The following PDE3B variants were observed in gnomAD, a reference collection of about 807,000 sequenced individuals.
PDE3B encodes cGMP-inhibited 3',5'-cyclic phosphodiesterase 3B.
A neutral mutation model predicts 116.8 loss-of-function variants in PDE3B; 66 were observed. The ratio of observed to expected loss-of-function variants is 0.56; its 90% CI spans 0.46 to 0.69. The LOEUF (loss-of-function observed/expected upper bound fraction) is 0.69, where lower values mean the gene tolerates loss of function less well. Ranked by LOEUF, PDE3B falls within the 30% of genes least tolerant of loss-of-function variation. PDE3B has a pLI of 0.00. For synonymous variants in PDE3B, 595 were observed against 533.6 expected, an observed-to-expected ratio of 1.12 and a Z score of -1.59; for missense variants, 1,384 against 1,368.1, an observed-to-expected ratio of 1.01 and a Z score of -0.18.
chr11:14,830,597 A>G (rs1286374342), intron 7 of PDE3B, 101 bp from the exon 8 acceptor site: 2 of 491,350 alleles, frequency 4.1e-6, no homozygotes, highest in Non-Finnish European at 6.9e-6. Context: ...CTCCATTATG[A>G]TTCATTTTAT....
At position 14,778,744 on chromosome 11, in the gene PDE3B, A is replaced by G. The variant is rs560147660; in HGVS notation, c.1029+6757A>G. Among the ~76,000 whole-genome samples the G allele has an allele frequency of 1.2e-4, 18 of 152,320 alleles. No individual in the cohort carries two copies. The South Asian group carries it at 3.7e-3, about 32-fold the overall frequency. On this transcript the variant is annotated intron_variant, in intron 2 of 15. Transcript: ENST00000282096. ...CAGAGCAGAAAAGCTGAAAATTCTA[A>G]AAATCAGAGTGCCCCTTCTCCTCCA... is the stretch of plus-strand genomic sequence containing the variant.
At chr11:14,661,090 C>T (rs1247864077) in intron 1 of PDE3B, among the ~76,000 whole-genome samples, 1 of 152,170 alleles carries the variant, frequency 6.6e-6, no homozygotes, top group African/African-American at 2.4e-5. Flanking sequence ...AGTAGTTCAA[C>T]CATTGTAGAA....
rs1858844072 is a variant in PDE3B at position 14,803,942 on chromosome 11, A to G, written c.1416-2A>G. 6.5e-7 allele frequency: 1 copy of G among 1,547,886 alleles called. No individual in the cohort carries two copies. Among genetic ancestry groups the G allele is most frequent in the Non-Finnish European group, 8.9e-7 (1 of 1,121,252 alleles). ...TTTTAACCTGTTATTTTTCCCTTTT[A>G]GTCAAGGATGCTATCTAAATGGGCC... On this transcript the variant is annotated splice_acceptor_variant, in intron 4 of 15. Transcript: ENST00000282096. LOFTEE classifies it high-confidence loss of function.
chr11:14,667,164 C>T (rs1316584694), intron 1 of PDE3B, among the ~76,000 whole-genome samples: 1 of 151,562 alleles, frequency 6.6e-6, no homozygotes, highest in Non-Finnish European at 1.5e-5. Flanking sequence ...AATCATCATT[C>T]CCAGTAAACT....
chr11:14,666,156 A>G (rs1217194268), intron 1 of PDE3B, among the ~76,000 whole-genome samples: 8 of 149,206 alleles, frequency 5.4e-5, no homozygotes, highest in South Asian at 4.3e-4. Context: ...GATCTTTGAC[A>G]AACCTGAGAA....
At position 14,739,772 on chromosome 11, in the gene PDE3B, G is replaced by A. The variant is rs569753780; in HGVS notation, c.979-32165G>A. ...AATAGCTCTTATTATTTTGAGATAC[G>A]TTCCATCGACACCTAGCTCATTGAG... is the stretch of plus-strand genomic sequence containing the variant. On this transcript the variant is annotated intron_variant, in intron 1 of 15. Transcript: ENST00000282096. 3.9e-5 allele frequency among the ~76,000 whole-genome samples: 6 copies of A among 152,252 alleles called. No homozygotes were observed. The East Asian group carries it at 5.8e-4, about 15-fold the overall frequency.
rs184053935 is a variant in PDE3B at position 14,661,388 on chromosome 11, C to T, written c.978+16335C>T. Among the ~76,000 whole-genome samples, 299 of 152,330 alleles carry T rather than the reference C, an allele frequency of 2.0e-3. 1 individual carries two copies. Among genetic ancestry groups the T allele is most frequent in the African/African-American group, 6.4e-3 (268 of 41,570 alleles). ...CTTCCAGCGTGAGCGACGCAAAAGA[C>T]GGTTGATTTCTGCATTTCCATCTGA... is the stretch of plus-strand genomic sequence containing the variant. On this transcript the variant is annotated intron_variant, in intron 1 of 15. Transcript: ENST00000282096.
At chr11:14,756,731 A>C (rs1333307510) in intron 1 of PDE3B, among the ~76,000 whole-genome samples, 1 of 152,114 alleles carries the variant, frequency 6.6e-6, no homozygotes, top group Non-Finnish European at 1.5e-5. Flanking sequence ...AACATATTCT[A>C]AGTGCATGAG....
intron 12 of PDE3B, among the ~76,000 whole-genome samples, chr11:14,848,529 G>A (rs1170080175): frequency 2.0e-5 from 3 of 151,968 alleles, no homozygotes; most frequent in African/African-American, 4.8e-5. Flanking sequence ...CATTCAATTA[G>A]GAAAAGAGGA....
intron 1 of PDE3B, among the ~76,000 whole-genome samples, chr11:14,717,377 C>T (rs1174062111): frequency 9.2e-6 from 1 of 108,214 alleles, no homozygotes; most frequent in Non-Finnish European, 1.8e-5. Flanking sequence ...CTTCCCCAAT[C>T]TAGCAAGGCA....
chr11:14,810,307 T>C, intron 5 of PDE3B, among the ~76,000 whole-genome samples: 1 of 112,550 alleles, frequency 8.9e-6, no homozygotes, highest in African/African-American at 3.4e-5. Flanking sequence ...CCCAATGCTA[T>C]CCCTCCCCCC....
chr11:14,748,866 G>T (rs764958759), intron 1 of PDE3B, among the ~76,000 whole-genome samples: 4 of 151,266 alleles, frequency 2.6e-5, no homozygotes, highest in Non-Finnish European at 5.9e-5. Context: ...TTAAGGAGTG[G>T]TCTATAGCCT....
intron 14 of PDE3B, among the ~76,000 whole-genome samples, chr11:14,866,188 T>C (rs1299155142): frequency 6.6e-6 from 1 of 152,218 alleles, no homozygotes; most frequent in Non-Finnish European, 1.5e-5. Context: ...TTAACTATTA[T>C]AATTTCATAT....
intron 11 of PDE3B, among the ~76,000 whole-genome samples, chr11:14,835,430 GTTTTTTTAAAAAAAA>G (rs1860023594): frequency 1.3e-5 from 2 of 148,484 alleles, no homozygotes; most frequent in Admixed American, 6.7e-5. Context: ...TTAGTCCTTT[GTTTTTTTAAAAAAAA>G]TTTTTTTTTT....
chr11:14,828,810 G>A (rs909125310), intron 7 of PDE3B, among the ~76,000 whole-genome samples: 2 of 152,148 alleles, frequency 1.3e-5, no homozygotes, highest in African/African-American at 2.4e-5. Context: ...CCATTACTGG[G>A]TATATATCCA....
rs894867202 is a variant in PDE3B, at chr11:14,846,835, T to G, written c.2520+2809T>G. 1.9e-3 allele frequency among the ~76,000 whole-genome samples: 295 copies of G among 152,260 alleles called. 1 individual carries two copies. Among genetic ancestry groups the G allele is most frequent in the African/African-American group, 6.5e-3 (269 of 41,536 alleles). Reference sequence around the variant, plus strand: ...CCCAATACAGGAGCACCCAGATTCATAAAGCAAGTCCTGAGTAACCTACAA... The same window carrying G: ...CCCAATACAGGAGCACCCAGATTCAGAAAGCAAGTCCTGAGTAACCTACAA... On this transcript the variant is annotated intron_variant, in intron 12 of 15. Transcript: ENST00000282096.
At chr11:14,716,231 C>T (rs1256780600) in intron 1 of PDE3B, among the ~76,000 whole-genome samples, 1 of 152,212 alleles carries the variant, frequency 6.6e-6, no homozygotes, top group Non-Finnish European at 1.5e-5. Context: ...AAACGGCGCA[C>T]CACGAGACTA....
chr11:14,655,987 CTTTA>C (rs1402445517), intron 1 of PDE3B, among the ~76,000 whole-genome samples: 8 of 152,060 alleles, frequency 5.3e-5, no homozygotes, highest in Non-Finnish European at 1.2e-4. Flanking sequence ...GAGACATTTT[CTTTA>C]TTTAGTTTAG....
the PDE3B span, among the ~76,000 whole-genome samples, chr11:14,881,269 G>A: frequency 2.0e-5 from 3 of 152,064 alleles, no homozygotes; most frequent in Non-Finnish European, 2.9e-5. Flanking sequence ...ACAGGGGTAA[G>A]GGTACTCTGA....
Sources: allele counts gnomAD v4.1 joint callset (sites outside exome capture counted in the v4.1 genomes callset), GRCh38; gene constraint gnomAD v4.1.1; transcripts MANE v1.5; gene names NCBI Gene and HGNC (gene_info 2026-07-23, HGNC 2026-07-21).